Variants in SMYD3 observed in about 807,000 individuals in gnomAD.
SMYD3 encodes histone-lysine N-methyltransferase SMYD3.
In SMYD3, 36 loss-of-function variants were observed where a neutral mutation model predicts 57.7. The observed-to-expected ratio is 0.62, with a 90% CI of 0.48 to 0.82. The LOEUF (loss-of-function observed/expected upper bound fraction) is 0.82. SMYD3 is among the 40% of genes least tolerant of loss of function. The pLI, the probability that SMYD3 is intolerant of heterozygous loss-of-function variation, is 0.00. For synonymous variants in SMYD3, 211 were observed against 195.0 expected, an observed-to-expected ratio of 1.08 and a Z score of -0.68; for missense variants, 515 against 538.8, an observed-to-expected ratio of 0.96 and a Z score of 0.44.
intron 5 of SMYD3, among the ~76,000 whole-genome samples, chr1:246,009,702 A>G (rs557410084): frequency 2.4e-4 from 37 of 152,118 alleles, no homozygotes; most frequent in Middle Eastern, 6.8e-3. Context: ...AAAAAAGGAG[A>G]AAGACATTAA....
chr1:245,799,477 A>G (rs2047749528), intron 10 of SMYD3, among the ~76,000 whole-genome samples: 1 of 152,282 alleles, frequency 6.6e-6, no homozygotes, highest in South Asian at 2.1e-4. Context: ...TTTCCAATTA[A>G]ATGAACACTA....
intron 5 of SMYD3, among the ~76,000 whole-genome samples, chr1:246,123,161 AC>A (rs2061449553): frequency 6.6e-6 from 1 of 152,216 alleles, no homozygotes; most frequent in South Asian, 2.1e-4. Flanking sequence ...GTGCCAGAAC[AC>A]CTTTCAAAAA....
chr1:246,186,793 C>T, intron 5 of SMYD3: 3 of 985,404 alleles, frequency 3.0e-6, no homozygotes, highest in Middle Eastern at 5.2e-4. Flanking sequence ...TCAGCCAAGT[C>T]GTGGGAAAGG....
chr1:246,344,782 T>C (rs951399932), intron 2 of SMYD3, among the ~76,000 whole-genome samples: 1 of 152,244 alleles, frequency 6.6e-6, no homozygotes, highest in African/African-American at 2.4e-5. Context: ...GGGTGTGTAG[T>C]AATATCTCAT....
At chr1:246,414,758 C>CTTTTTTTTTTTTTT (rs2067033162) in intron 1 of SMYD3, among the ~76,000 whole-genome samples, 1 of 138,854 alleles carries the variant, frequency 7.2e-6, no homozygotes. Flanking sequence ...TGCTCTGTCG[C>CTTTTTTTTTTTTTT]CCAGACCAGA....
At position 245,842,902 on chromosome 1, in the gene SMYD3, G is replaced by T. The variant is rs144007184; in HGVS notation, c.1076+15594C>A. ...ATTTTCTAATTTTTTGTAAGACAAG[G>T]TCTTCCTATGTTACCCCAGGTTGAT... On this transcript the variant is annotated intron_variant, in intron 10 of 11. Coordinates refer to ENST00000490107, the MANE Select transcript of SMYD3 (RefSeq NM_001167740.2). 7.9e-5 allele frequency among the ~76,000 whole-genome samples: 12 copies of T among 152,224 alleles called. No individual in the cohort carries two copies. The East Asian group carries it at 2.3e-3, about 29-fold the overall frequency.
At chr1:245,935,245 G>T (rs987988835) in intron 5 of SMYD3, among the ~76,000 whole-genome samples, 1 of 152,132 alleles carries the variant, frequency 6.6e-6, no homozygotes, top group African/African-American at 2.4e-5. Flanking sequence ...ATGGGCAAAG[G>T]ATTTGAGTAG....
At chr1:245,881,567 T>C (rs1226546782) in intron 8 of SMYD3, among the ~76,000 whole-genome samples, 1 of 152,150 alleles carries the variant, frequency 6.6e-6, no homozygotes, top group African/African-American at 2.4e-5. Flanking sequence ...CATATTCACT[T>C]GCGCAACACA....
At chr1:246,184,070 C>G (rs888259499) in intron 5 of SMYD3, among the ~76,000 whole-genome samples, 7 of 152,182 alleles carry the variant, frequency 4.6e-5, no homozygotes, top group Non-Finnish European at 8.8e-5. Flanking sequence ...TAAGCCACTC[C>G]AAGATCCACA....
Position 246,150,312 on chromosome 1 carries a change from C to A in SMYD3, c.531+176889G>T, listed in dbSNP as rs191261595. On this transcript the variant is annotated intron_variant, in intron 5 of 11. Coordinates refer to ENST00000490107, the MANE Select transcript of SMYD3 (RefSeq NM_001167740.2). The stretch of plus-strand genomic sequence containing the variant: ...ACATTTCTTGGCCATTAAGTTGACA[C>A]CATTCTGCCACATTCTTGACACATC... Among the ~76,000 whole-genome samples, 399 of 152,280 alleles carry A rather than the reference C, an allele frequency of 2.6e-3. 8 individuals carry two copies. The highest frequency in any genetic ancestry group is 0.024 in the Admixed American group (361 of 15,292).
chr1:246,375,176 T>C (rs141314217), intron 1 of SMYD3, among the ~76,000 whole-genome samples: 76 of 152,292 alleles, frequency 5.0e-4, no homozygotes, highest in African/African-American at 1.7e-3. Context: ...GTGACAAATA[T>C]GTTGTGACTA....
In SMYD3 at chr1:246,327,238, A is replaced by G. The variant is rs11544847; in HGVS notation, c.494T>C (p.Leu165Pro). 3 of 1,614,190 alleles carry G rather than the reference A, an allele frequency of 1.9e-6. No individual in the cohort carries two copies. Among genetic ancestry groups the G allele is most frequent in the Middle Eastern group, 1.7e-4 (1 of 6,060 alleles). The change falls in exon 5 of 12, where the codon CTG becomes CCG. Residue 165 changes from leucine (L) to proline (P), a missense_variant. Transcript: ENST00000490107. The part of the protein sequence containing the change: ...MREEIQDASQ[L>P]PPAFDLFEAF... ...TTCAAAAAGGTCAAAGGCAGGTGGC[A>G]GCTGAGAGGCATCCTGTATTTCTTC...
At chr1:246,489,039 T>C (rs2068230087) in intron 1 of SMYD3, among the ~76,000 whole-genome samples, 1 of 151,908 alleles carries the variant, frequency 6.6e-6, no homozygotes, top group African/African-American at 2.4e-5. Flanking sequence ...AGGTGAATGG[T>C]AGGTCACTTC....
At chr1:245,913,046 T>G (rs1316186341) in intron 8 of SMYD3, among the ~76,000 whole-genome samples, 1 of 152,202 alleles carries the variant, frequency 6.6e-6, no homozygotes, top group Non-Finnish European at 1.5e-5. Flanking sequence ...CATGCTGCTA[T>G]AAAGACACAT....
At chr1:245,899,695 T>C (rs1270206129) in intron 8 of SMYD3, among the ~76,000 whole-genome samples, 1 of 152,226 alleles carries the variant, frequency 6.6e-6, no homozygotes, top group Non-Finnish European at 1.5e-5. Flanking sequence ...ACATTATTCA[T>C]AGAGTGTCTG....
chr1:246,183,028 A>G (rs2062578789), intron 5 of SMYD3, among the ~76,000 whole-genome samples: 1 of 152,190 alleles, frequency 6.6e-6, no homozygotes, highest in South Asian at 2.1e-4. Context: ...AAATAATTGT[A>G]ACCCCTTTAA....
intron 5 of SMYD3, among the ~76,000 whole-genome samples, chr1:246,238,515 A>G (rs2063547060): frequency 1.3e-5 from 2 of 152,276 alleles, no homozygotes; most frequent in East Asian, 1.9e-4. Flanking sequence ...TTATAATTAT[A>G]TATCTATTAC....
At chr1:245,947,354 A>C in intron 5 of SMYD3, 1 of 457,040 alleles carries the variant, frequency 2.2e-6, no homozygotes, top group Non-Finnish European at 4.4e-6. Flanking sequence ...TACACGGCAC[A>C]ACCAGAGACA....
At chr1:246,328,151 G>A (rs147562386) in intron 4 of SMYD3, among the ~76,000 whole-genome samples, 2,485 of 152,062 alleles carry the variant, frequency 0.016, 63 homozygotes, top group African/African-American at 0.057. Flanking sequence ...CCAACATCGC[G>A]CCACTGCACT....
Sources: gnomAD v4.1 joint callset for allele counts (sites outside exome capture counted in the v4.1 genomes callset) on GRCh38, gnomAD v4.1.1 for gene constraint, MANE v1.5 for transcripts, NCBI Gene and HGNC (gene_info 2026-07-23, HGNC 2026-07-21) for gene names.